Variants in EFCAB11 observed in about 807,000 individuals in gnomAD.
EFCAB11 encodes EF-hand calcium-binding domain-containing protein 11.
In EFCAB11, 14 loss-of-function variants were observed where a neutral mutation model predicts 23.0. That is an observed-to-expected ratio of 0.61 (90% confidence interval 0.40 to 0.95). The LOEUF (loss-of-function observed/expected upper bound fraction) is 0.95, where lower values mean the gene tolerates loss of function less well. Among genes scored for constraint, EFCAB11 ranks in the 40% least tolerant of loss-of-function variants. EFCAB11 has a pLI of 0.00. For missense variants in EFCAB11, 198 were observed against 195.8 expected (o/e 1.01, Z -0.07); for synonymous variants, 65 against 66.6 (o/e 0.98, Z 0.11).
chr14:89,947,993 T>A (rs907131899), intron 3 of EFCAB11, among the ~76,000 whole-genome samples: 2 of 150,938 alleles, frequency 1.3e-5, no homozygotes, highest in African/African-American at 4.9e-5. Context: ...TGCCCCCTGC[T>A]CCCACCCCAC....
intron 5 of EFCAB11, chr14:89,892,252 C>A: frequency 1.2e-6 from 2 of 1,612,668 alleles, no homozygotes; most frequent in South Asian, 2.2e-5. Context: ...GCATGGCCTT[C>A]GTGGAGACCT....
At chr14:89,952,806 G>A (rs1891217169) in intron 2 of EFCAB11, among the ~76,000 whole-genome samples, 1 of 152,168 alleles carries the variant, frequency 6.6e-6, no homozygotes, top group Admixed American at 6.5e-5. Context: ...CAAGCTGTCT[G>A]GTCTAATGAG....
intron 5 of EFCAB11, among the ~76,000 whole-genome samples, chr14:89,919,610 T>C (rs1260434245): frequency 6.6e-6 from 1 of 151,654 alleles, no homozygotes; most frequent in Non-Finnish European, 1.5e-5. Flanking sequence ...ACTCCATGAG[T>C]GGGAGGCAGG....
At chr14:89,851,511 T>C (rs945054765) in intron 5 of EFCAB11, among the ~76,000 whole-genome samples, 2 of 152,204 alleles carry the variant, frequency 1.3e-5, no homozygotes, top group African/African-American at 2.4e-5. Flanking sequence ...CATGCTAAAA[T>C]GCTCAAGGAA....
At chr14:89,935,153 T>G (rs1376733122) in intron 3 of EFCAB11, among the ~76,000 whole-genome samples, 2 of 152,212 alleles carry the variant, frequency 1.3e-5, no homozygotes, top group East Asian at 3.8e-4. Flanking sequence ...CCGACGGCCC[T>G]TTGTTCATCA....
At chr14:89,901,321 T>C (rs1224115600) in intron 5 of EFCAB11, among the ~76,000 whole-genome samples, 1 of 152,194 alleles carries the variant, frequency 6.6e-6, no homozygotes, top group Non-Finnish European at 1.5e-5. Flanking sequence ...TTGGCCCTTA[T>C]GATCATTTTA....
intron 5 of EFCAB11, among the ~76,000 whole-genome samples, chr14:89,826,354 TAAG>T (rs1422193120): frequency 6.6e-6 from 1 of 152,088 alleles, no homozygotes; most frequent in African/African-American, 2.4e-5. Context: ...AAATGAATTC[TAAG>T]AAGAAGGAAC....
At chr14:89,833,931 C>T (rs1886967652) in intron 5 of EFCAB11, among the ~76,000 whole-genome samples, 1 of 152,150 alleles carries the variant, frequency 6.6e-6, no homozygotes, top group African/African-American at 2.4e-5. Flanking sequence ...AATAAAATAG[C>T]TACACCACTT....
chr14:89,866,784 T>A (rs1053519030), intron 5 of EFCAB11, among the ~76,000 whole-genome samples: 2 of 152,168 alleles, frequency 1.3e-5, no homozygotes, highest in African/African-American at 4.8e-5. Flanking sequence ...ATCTCATTTT[T>A]AAAAATGTTT....
At chr14:89,936,512 TCA>T in intron 3 of EFCAB11, among the ~76,000 whole-genome samples, 1 of 152,356 alleles carries the variant, frequency 6.6e-6, no homozygotes, top group South Asian at 2.1e-4. Flanking sequence ...TCAATTTCTT[TCA>T]CACTATTTTC....
At chr14:89,944,996 G>T (rs1890925401) in intron 3 of EFCAB11, among the ~76,000 whole-genome samples, 1 of 107,930 alleles carries the variant, frequency 9.3e-6, no homozygotes, top group Non-Finnish European at 1.9e-5. Flanking sequence ...TAAAATATTA[G>T]ATTTTATTAG....
intron 5 of EFCAB11, among the ~76,000 whole-genome samples, chr14:89,864,770 A>C (rs553968954): frequency 6.6e-6 from 1 of 152,140 alleles, no homozygotes; most frequent in Non-Finnish European, 1.5e-5. Flanking sequence ...AACAGACTAA[A>C]TACTTAAAAT....
chr14:89,794,977 T>A lies in EFCAB11; in HGVS notation c.*2266A>T, dbSNP rs1210364109. ...TGTTTCTACTTAATGTCTTTTTTTTTTTTTTTTTTTTTTTTTTTGAGAGGG... is the reference window on the plus strand; with the variant it reads ...TGTTTCTACTTAATGTCTTTTTTTTATTTTTTTTTTTTTTTTTTGAGAGGG... On this transcript the variant is annotated 3_prime_UTR_variant, in exon 6 of 6. Transcript: ENST00000316738. The A allele has an allele frequency of 7.6e-6, 1 of 132,262 alleles. No homozygotes were observed. The highest frequency in any genetic ancestry group is 1.6e-5 in the Non-Finnish European group (1 of 61,516). 8.2% of individuals were successfully genotyped at this position (132,262 alleles called of 1,614,324 possible).
At chr14:89,916,045 T>TAA (rs1889829046) in intron 5 of EFCAB11, among the ~76,000 whole-genome samples, 1 of 151,936 alleles carries the variant, frequency 6.6e-6, no homozygotes, top group Non-Finnish European at 1.5e-5. Context: ...AGCCAAGCCC[T>TAA]TAAGGCACAA....
chr14:89,924,728 T>G (rs11159940), intron 5 of EFCAB11: 221,524 of 1,531,298 alleles, frequency 0.14, 19,951 homozygotes, highest in Admixed American at 0.32. Flanking sequence ...GAAAATCACA[T>G]GTAGACAGAG....
rs143463725 is a variant in EFCAB11, at chr14:89,937,403, A to G, written c.218-4776T>C. ...AGGTTTGTGGTTTAAAGACCACTGG[A>G]CCAATGATCTTTACAAATCCTTCTT... On this transcript the variant is annotated intron_variant, in intron 3 of 5. Transcript: ENST00000316738. Among the ~76,000 whole-genome samples the G allele has an allele frequency of 1.9e-3, 288 of 152,272 alleles. 1 individual carries two copies. The highest frequency in any genetic ancestry group is 0.01 in the Middle Eastern group (3 of 294).
At chr14:89,939,920 A>G (rs569232631) in intron 3 of EFCAB11, among the ~76,000 whole-genome samples, 1 of 152,214 alleles carries the variant, frequency 6.6e-6, no homozygotes, top group Admixed American at 6.5e-5. Context: ...TGTATTTTTA[A>G]TAGAGACAGT....
intron 5 of EFCAB11, among the ~76,000 whole-genome samples, chr14:89,855,133 T>TAC (rs1366170355): frequency 6.6e-6 from 1 of 151,782 alleles, no homozygotes; most frequent in Non-Finnish European, 1.5e-5. Flanking sequence ...CATCAGGTAA[T>TAC]ACCAAAAGTT....
intron 5 of EFCAB11, among the ~76,000 whole-genome samples, chr14:89,821,372 A>C (rs966858404): frequency 4.6e-5 from 7 of 152,078 alleles, no homozygotes; most frequent in African/African-American, 1.7e-4. Flanking sequence ...AGCCCCCACA[A>C]TCCTGCAAGC....
Sources: allele counts gnomAD v4.1 joint callset (sites outside exome capture counted in the v4.1 genomes callset), GRCh38; gene constraint gnomAD v4.1.1; transcripts MANE v1.5; gene names NCBI Gene and HGNC (gene_info 2026-07-23, HGNC 2026-07-21).